The following ARSI variants were observed in gnomAD, a reference collection of about 807,000 sequenced individuals.
The protein encoded by ARSI is arylsulfatase I.
Under a neutral mutation model 42.1 loss-of-function variants are expected in ARSI, and 37 were observed. The observed-to-expected ratio is 0.88, with a 90% CI of 0.68 to 1.16. The LOEUF is 1.16. ARSI is among the 50% of genes most tolerant of loss of function. The probability of loss-of-function intolerance (pLI) is 0.00; values close to 1 mark genes in which losing one functional copy is unlikely to be tolerated. For synonymous variants in ARSI, 305 were observed against 320.3 expected, an observed-to-expected ratio of 0.95 and a Z score of 0.51; for missense variants, 725 against 790.1, an observed-to-expected ratio of 0.92 and a Z score of 0.99.
In ARSI at chr5:150,297,320, C is replaced by T. The variant is rs747454379; in HGVS notation, c.1604G>A (p.Arg535Lys). Residue 535 changes from arginine to lysine, a missense_variant, in exon 2 of 2, where the codon AGG becomes AAG. By Grantham distance (26) the Arg-to-Lys change is conservative. Coordinates refer to ENST00000328668, the MANE Select transcript of ARSI (RefSeq NM_001012301.4). The surrounding 1 kb of genome is among the most constrained non-coding windows in gnomAD (Gnocchi z 7.0). Reference sequence around the variant, plus strand: ...ACGACCCCGGGAGAAGCTTCGAGCCCTCCCTTCCTCTTCCTCCTCTTCCTC... The same window carrying T: ...ACGACCCCGGGAGAAGCTTCGAGCCTTCCCTTCCTCTTCCTCCTCTTCCTC... ...SDEEEEEEEG[R>K]ARSFSRGRRK... 1.2e-6 allele frequency: 2 copies of T among 1,613,612 alleles called. No homozygotes were observed. The highest frequency in any genetic ancestry group is 1.1e-5 in the South Asian group (1 of 90,990).
Position 150,298,286 on chromosome 5 carries a change from G to A in ARSI, c.638C>T (p.Ala213Val). 1.9e-6 allele frequency: 3 copies of A among 1,613,368 alleles called. No homozygotes were observed. The highest frequency in any genetic ancestry group is 2.5e-6 in the Non-Finnish European group (3 of 1,179,744). Residue 213 changes from alanine to valine, a missense_variant, in exon 2 of 2, where the codon GCC becomes GTC. Transcript: ENST00000328668. ...GGCCAGGATATGGCTGGCGCGCTGG[G>A]CATAAAGCATAGTGGAGTACTGGCC... ...LSGQYSTMLY[A>V]QRASHILASH...
In ARSI at chr5:150,297,986, C is replaced by T. The variant is rs1256394655; in HGVS notation, c.938G>A (p.Gly313Glu). 1 of 1,612,592 alleles carries T rather than the reference C, an allele frequency of 6.2e-7. No individual in the cohort carries two copies. Among genetic ancestry groups the T allele is most frequent in the Non-Finnish European group, 8.5e-7 (1 of 1,179,872 alleles). ...FSGGSNWPLR[G>E]RKGTYWEGGV... Reference sequence around the variant, plus strand: ...ACCTTCCCAATAAGTGCCCTTGCGTCCTCGGAGCGGCCAGTTGCTGCCCCC... The same window carrying T: ...ACCTTCCCAATAAGTGCCCTTGCGTTCTCGGAGCGGCCAGTTGCTGCCCCC... Residue 313 changes from glycine (G) to glutamate (E), a missense_variant, in exon 2 of 2, where the codon GGA becomes GAA. Transcript: ENST00000328668. This position sits in a 1 kb window ranked among gnomAD's most constrained non-coding sequence, Gnocchi z 7.0.
intron 1 of ARSI, among the ~76,000 whole-genome samples, chr5:150,299,837 T>C (rs957857506): frequency 1.3e-5 from 2 of 152,166 alleles, no homozygotes; most frequent in African/African-American, 4.8e-5. Context: ...TGTGAGCTCA[T>C]ATGACCCCTT....
Position 150,298,521 on chromosome 5 carries a change from G to A in ARSI, c.403C>T (p.Leu135=), listed in dbSNP as rs147408633. The A allele has an allele frequency of 6.0e-4, 972 of 1,614,188 alleles. 1 individual carries two copies. In the African/African-American group the frequency reaches 0.01, roughly 17 times the overall value. The change falls in exon 2 of 2, where the codon CTG becomes TTG. Residue 135 remains leucine (L), a synonymous_variant. Coordinates refer to ENST00000328668, the MANE Select transcript of ARSI (RefSeq NM_001012301.4). ...TGGGTGGAATAACCTGCCTCCTGCAGCTTCTGTGGCAGTGTCACCTGGTCC... is the reference window on the plus strand; with the variant it reads ...TGGGTGGAATAACCTGCCTCCTGCAACTTCTGTGGCAGTGTCACCTGGTCC... ...PLDQVTLPQK[L]QEAGYSTHMV... is the part of the protein sequence containing the mutation.
chr5:150,298,852 G>A (rs545039720), intron 1 of ARSI, among the ~76,000 whole-genome samples: 2 of 152,298 alleles, frequency 1.3e-5, no homozygotes, highest in South Asian at 2.1e-4. Flanking sequence ...GGAGATTGAA[G>A]CTCAGAATGG....
Position 150,302,449 on chromosome 5 carries a change from C to A in ARSI, c.-76G>T. On this transcript the variant is annotated 5_prime_UTR_variant, in exon 1 of 2. Coordinates refer to ENST00000328668, the MANE Select transcript of ARSI (RefSeq NM_001012301.4). The surrounding 1 kb of genome is among the most constrained non-coding windows in gnomAD (Gnocchi z 6.1). ...ACCTCGCGCGCCCAGGGCGCACCAC[C>A]GGCCCGCCGGCTCGGATGCTGCGAG... is the stretch of plus-strand genomic sequence containing the variant. 1 of 1,151,532 alleles carries A rather than the reference C, an allele frequency of 8.7e-7. No individual in the cohort carries two copies. The highest frequency in any genetic ancestry group is 1.1e-6 in the Non-Finnish European group (1 of 878,876). 71.3% of individuals were successfully genotyped at this position (1,151,532 alleles called of 1,614,324 possible). A position where few individuals can be genotyped will look rare whatever the true frequency, so the allele number is the denominator to read the frequency against.
In ARSI at chr5:150,298,922, G is replaced by C. The variant is rs888942199; in HGVS notation, c.312-310C>G. Among the ~76,000 whole-genome samples, 4 of 152,162 alleles carry C rather than the reference G, an allele frequency of 2.6e-5. No individual in the cohort carries two copies. The East Asian group carries it at 5.8e-4, about 22-fold the overall frequency. On this transcript the variant is annotated intron_variant, in intron 1 of 1. Coordinates refer to ENST00000328668, the MANE Select transcript of ARSI (RefSeq NM_001012301.4). ...GTTGGAGAGATAAAAGTTGAACCCA[G>C]GGTAATAATGACAATAATAATAGCT... is the stretch of plus-strand genomic sequence containing the variant.
At position 150,298,100 on chromosome 5, in the gene ARSI, C is replaced by T. The variant is rs926772891; in HGVS notation, c.824G>A (p.Arg275His). ...AMVTCMDEAVRNITWALKRYG... is the reference protein window; with the variant it reads ...AMVTCMDEAVHNITWALKRYG... ...GCGCTTGAGGGCCCAGGTGATGTTG[C>T]GCACAGCCTCATCCATGCAGGTCAC... The change falls in exon 2 of 2, where the codon CGC becomes CAC. Residue 275 changes from arginine (R) to histidine (H), a missense_variant. Transcript: ENST00000328668. 11 of 1,613,442 alleles carry T rather than the reference C, an allele frequency of 6.8e-6. No individual in the cohort carries two copies. Among genetic ancestry groups the T allele is most frequent in the African/African-American group, 2.7e-5 (2 of 74,872 alleles).
At position 150,298,308 on chromosome 5, in the gene ARSI, G is replaced by A; in HGVS notation, c.616C>T (p.Gln206Ter). 1 of 1,613,602 alleles carries A rather than the reference G, an allele frequency of 6.2e-7. No individual in the cohort carries two copies. ...TGGGCATAAAGCATAGTGGAGTACT[G>A]GCCGCTGAGCCCCCAGGCCACATTC... is the stretch of plus-strand genomic sequence containing the variant. Reference protein sequence around the residue: ...GENVAWGLSGQYSTMLYAQRA... With the variant: ...GENVAWGLSG The change falls in exon 2 of 2, where the codon CAG (glutamine) becomes TAG (stop). Residue 206 changes from glutamine (Q) to a stop codon, truncating the protein, a stop_gained. Transcript: ENST00000328668. LOFTEE classifies it high-confidence loss of function.
chr5:150,300,927 C>T (rs893557726), intron 1 of ARSI, among the ~76,000 whole-genome samples: 4 of 152,180 alleles, frequency 2.6e-5, no homozygotes, highest in Admixed American at 2.0e-4. Flanking sequence ...CCATACACAC[C>T]CCACACCCCT....
At position 150,297,270 on chromosome 5, in the gene ARSI, T is replaced by C. The variant is rs1757819210; in HGVS notation, c.1654A>G (p.Lys552Glu). Residue 552 changes from lysine (K) to glutamate (E), a missense_variant, in exon 2 of 2, where the codon AAG becomes GAG. Lys to Glu is a moderately conservative substitution (Grantham distance 56). Coordinates refer to ENST00000328668, the MANE Select transcript of ARSI (RefSeq NM_001012301.4). The surrounding 1 kb of genome is among the most constrained non-coding windows in gnomAD (Gnocchi z 7.0). ...AGTTTACGGAAAAAGGATCGAAGCT[T>C]GCAAATCTTGCATTTTTTCTTGCGA... ...GRRKKKCKIC[K>E]LRSFFRKLNT... The C allele has an allele frequency of 1.2e-6, 2 of 1,601,874 alleles. No homozygotes were observed.
chr5:150,296,938 C>T lies in ARSI; in HGVS notation c.*276G>A. ...CCAAAGAGTCACAAAGTCATTAGAGCTCATTTTACAGATGAGGAAACTGAG... is the reference window on the plus strand; with the variant it reads ...CCAAAGAGTCACAAAGTCATTAGAGTTCATTTTACAGATGAGGAAACTGAG... On this transcript the variant is annotated 3_prime_UTR_variant, in exon 2 of 2. Transcript: ENST00000328668. 1 of 331,882 alleles carries T rather than the reference C, an allele frequency of 3.0e-6. No homozygotes were observed. The highest frequency in any genetic ancestry group is 5.4e-6 in the Non-Finnish European group (1 of 184,422). The allele number at this position is 331,882 out of a possible 1,614,324, so 20.6% of individuals were successfully genotyped here.
At position 150,302,673 on chromosome 5, in the gene ARSI, G is replaced by C. The variant is rs995145927; in HGVS notation, c.-300C>G. 3.4e-6 allele frequency: 1 copy of C among 295,274 alleles called. No individual in the cohort carries two copies. The highest frequency in any genetic ancestry group is 6.2e-6 in the Non-Finnish European group (1 of 160,762). 18.3% of individuals were successfully genotyped at this position (295,274 alleles called of 1,614,324 possible). The stretch of plus-strand genomic sequence containing the variant: ...GCTCAGCCCGGCCAGCCTGAGACGC[G>C]GCGTGGCAGCTTCCAAAAAGTGCTC... On this transcript the variant is annotated 5_prime_UTR_variant, in exon 1 of 2. Transcript: ENST00000328668. The surrounding 1 kb of genome is among the most constrained non-coding windows in gnomAD (Gnocchi z 6.1).
chr5:150,302,219 A>T lies in ARSI; in HGVS notation c.155T>A (p.Ile52Asn). 1 of 1,613,700 alleles carries T rather than the reference A, an allele frequency of 6.2e-7. No homozygotes were observed. Among genetic ancestry groups the T allele is most frequent in the South Asian group, 1.1e-5 (1 of 91,016 alleles). The change falls in exon 1 of 2, where the codon ATC becomes AAC. Residue 52 changes from isoleucine to asparagine, a missense_variant. By Grantham distance (149) the Ile-to-Asn change is moderately radical. Transcript: ENST00000328668. The surrounding 1 kb of genome is among the most constrained non-coding windows in gnomAD (Gnocchi z 6.1). ...GTGGTAGCCTTGGTCGTCCGTGAGG[A>T]TGAAGATGATGTGGGGAGGCTGGGG... ...APPQPPHIIFILTDDQGYHDV... is the reference protein window; with the variant it reads ...APPQPPHIIFNLTDDQGYHDV...
rs779845372 is a variant in ARSI, at chr5:150,298,555, G to A, written c.369C>T (p.Cys123=). 1 of 1,613,950 alleles carries A rather than the reference G, an allele frequency of 6.2e-7. No individual in the cohort carries two copies. The highest frequency in any genetic ancestry group is 2.2e-5 in the East Asian group (1 of 44,876). Residue 123 remains cysteine, a synonymous_variant, in exon 2 of 2, where the codon TGC becomes TGT. Transcript: ENST00000328668. ...HSIIRPQQPN[C]LPLDQVTLPQ... is the part of the protein sequence containing the mutation. ...GCAGTGTCACCTGGTCCAGGGGCAG[G>A]CAGTTGGGCTGCTGTGGGCGGATGA... is the stretch of plus-strand genomic sequence containing the variant.
Position 150,302,015 on chromosome 5 carries a change from T to G in ARSI, c.311+48A>C. The G allele has an allele frequency of 1.3e-6, 2 of 1,503,222 alleles. No individual in the cohort carries two copies. Among genetic ancestry groups the G allele is most frequent in the Non-Finnish European group, 1.8e-6 (2 of 1,121,268 alleles). 93.1% of individuals were successfully genotyped at this position (1,503,222 alleles called of 1,614,324 possible). ...GGCAGGAGAAATCTATCAACTGGGT[T>G]GATTTGGGGTTTAGATGCCCAGCCC... is the stretch of plus-strand genomic sequence containing the variant. On this transcript the variant is annotated intron_variant, in intron 1 of 1. Transcript: ENST00000328668. The surrounding 1 kb of genome is among the most constrained non-coding windows in gnomAD (Gnocchi z 6.1).
In ARSI at chr5:150,297,360, GC is replaced by G. The variant is rs757563884; in HGVS notation, c.1563del (p.Trp523GlyfsTer42). On this transcript the variant is annotated frameshift_variant, in exon 2 of 2. Coordinates refer to ENST00000328668, the MANE Select transcript of ARSI (RefSeq NM_001012301.4). LOFTEE classifies it high-confidence loss of function. This position sits in a 1 kb window ranked among gnomAD's most constrained non-coding sequence, Gnocchi z 7.0. Reference sequence around the variant, plus strand: ...TCCTCTTCCTCATCACTGGCCCAGGGCCCCCAAGCACCCCCATTAAAGTCAG... The same window carrying G: ...TCCTCTTCCTCATCACTGGCCCAGGGCCCCAAGCACCCCCATTAAAGTCAG... ...AHPDFNGGAW[G>X]PWASDEEEEE... The G allele has an allele frequency of 1.2e-6, 2 of 1,613,076 alleles. No homozygotes were observed. Among genetic ancestry groups the G allele is most frequent in the South Asian group, 1.1e-5 (1 of 90,912 alleles).
intron 1 of ARSI, among the ~76,000 whole-genome samples, chr5:150,299,825 C>T (rs1337916808): frequency 2.6e-5 from 4 of 152,106 alleles, no homozygotes; most frequent in African/African-American, 9.7e-5. Flanking sequence ...CAAGTGCCTG[C>T]CTGTGAGCTC....
chr5:150,301,478 T>C (rs1185509984), intron 1 of ARSI, among the ~76,000 whole-genome samples: 2 of 152,176 alleles, frequency 1.3e-5, no homozygotes, highest in East Asian at 3.9e-4. Flanking sequence ...GTAACCACCC[T>C]AAGGCTACAC....
Sources: gnomAD v4.1 joint callset for allele counts (sites outside exome capture counted in the v4.1 genomes callset) on GRCh38, gnomAD v4.1.1 for gene constraint, Gnocchi (gnomAD v3.1) non-coding constraint, MANE v1.5 for transcripts, NCBI Gene and HGNC (gene_info 2026-07-23, HGNC 2026-07-21) for gene names.